Variants in HS6ST3 observed in about 807,000 individuals in gnomAD.
HS6ST3 encodes heparan-sulfate 6-O-sulfotransferase 3.
HS6ST3 carries 12 observed loss-of-function variants against 36.7 expected under a neutral mutation model. That is an observed-to-expected ratio of 0.33 (90% CI 0.21 to 0.53). The LOEUF is 0.53. Ranked by LOEUF, HS6ST3 falls within the 20% of genes least tolerant of loss-of-function variation. The pLI, the probability that HS6ST3 is intolerant of heterozygous loss-of-function variation, is 0.95. For missense variants in HS6ST3, 584 were observed against 640.9 expected, an observed-to-expected ratio of 0.91 and a Z score of 0.96; for synonymous variants, 240 against 257.5, an observed-to-expected ratio of 0.93 and a Z score of 0.65.
At chr13:96,559,998 A>C (rs2056255952) in intron 1 of HS6ST3, among the ~76,000 whole-genome samples, 1 of 152,198 alleles carries the variant, frequency 6.6e-6, no homozygotes, top group Non-Finnish European at 1.5e-5. Context: ...ATCAAAACAC[A>C]TGTATTTATG....
At chr13:96,491,925 C>A (rs2055947974) in intron 1 of HS6ST3, among the ~76,000 whole-genome samples, 1 of 152,136 alleles carries the variant, frequency 6.6e-6, no homozygotes, top group Non-Finnish European at 1.5e-5. Context: ...TAGATCTAGT[C>A]TCAACCCAAA....
At position 96,360,476 on chromosome 13, in the gene HS6ST3, G is replaced by A. The variant is rs116746787; in HGVS notation, c.707+268907G>A. Among the ~76,000 whole-genome samples the A allele has an allele frequency of 8.2e-3, 1,243 of 152,042 alleles. 14 individuals carry two copies. Among genetic ancestry groups the A allele is most frequent in the African/African-American group, 0.029 (1,182 of 41,464 alleles). Reference sequence around the variant, plus strand: ...GCAAATCTGATATTTAGTACAGGCAGGATGGGCCAGGGAAGGGTGCTGAAA... The same window carrying A: ...GCAAATCTGATATTTAGTACAGGCAAGATGGGCCAGGGAAGGGTGCTGAAA... On this transcript the variant is annotated intron_variant, in intron 1 of 1. Coordinates refer to ENST00000376705, the MANE Select transcript of HS6ST3 (RefSeq NM_153456.4).
chr13:96,151,405 GAAAA>G (rs57166825), intron 1 of HS6ST3, among the ~76,000 whole-genome samples: 4 of 141,710 alleles, frequency 2.8e-5, no homozygotes, highest in Non-Finnish European at 6.1e-5. Context: ...CTCCATCTTG[GAAAA>G]AAAAAAAAAA....
chr13:96,766,515 A>G (rs749035139), intron 1 of HS6ST3, among the ~76,000 whole-genome samples: 1 of 152,162 alleles, frequency 6.6e-6, no homozygotes, highest in Non-Finnish European at 1.5e-5. Flanking sequence ...GTGGGATAAC[A>G]TTTGGAGATG....
intron 1 of HS6ST3, among the ~76,000 whole-genome samples, chr13:96,288,178 A>C (rs2054812933): frequency 6.6e-6 from 1 of 152,184 alleles, no homozygotes; most frequent in East Asian, 1.9e-4. Flanking sequence ...TTTGAGAGTC[A>C]CTGATGTAAT....
At chr13:96,318,524 C>T (rs146116641) in intron 1 of HS6ST3, among the ~76,000 whole-genome samples, 1,737 of 145,170 alleles carry the variant, frequency 0.012, 35 homozygotes, top group African/African-American at 0.043. Flanking sequence ...CAGAGTGAGA[C>T]TCCTTCTCAA....
chr13:96,115,520 T>G (rs1211821683), intron 1 of HS6ST3, among the ~76,000 whole-genome samples: 8 of 152,194 alleles, frequency 5.3e-5, no homozygotes, highest in Admixed American at 5.2e-4. Context: ...TTTCCTGTGT[T>G]AGTTTGCTGA....
Position 96,377,287 on chromosome 13 carries a change from C to T in HS6ST3, c.707+285718C>T, listed in dbSNP as rs1017220033. Among the ~76,000 whole-genome samples, 11 of 151,504 alleles carry T rather than the reference C, an allele frequency of 7.3e-5. No individual in the cohort carries two copies. In the East Asian group the frequency reaches 1.8e-3, roughly 24 times the overall value. On this transcript the variant is annotated intron_variant, in intron 1 of 1. Transcript: ENST00000376705. ...GGAGGATTGCTTGTGCCTGGTAGTT[C>T]GACACTGGTGAGCTATGGTCACACC...
intron 1 of HS6ST3, among the ~76,000 whole-genome samples, chr13:96,434,745 G>A (rs1443598130): frequency 6.6e-6 from 1 of 151,898 alleles, no homozygotes; most frequent in African/African-American, 2.4e-5. Context: ...TATCTTGATT[G>A]CTTTTATGAC....
At chr13:96,172,301 A>G (rs1594703372) in intron 1 of HS6ST3, among the ~76,000 whole-genome samples, 2 of 152,200 alleles carry the variant, frequency 1.3e-5, no homozygotes, top group Non-Finnish European at 2.9e-5. Context: ...CAAAGGGTAT[A>G]TCATGCAGTC....
intron 1 of HS6ST3, among the ~76,000 whole-genome samples, chr13:96,783,650 G>A (rs1406571489): frequency 1.3e-5 from 2 of 151,680 alleles, no homozygotes; most frequent in Admixed American, 1.3e-4. Flanking sequence ...TTATGGACAG[G>A]ATGGAGCCAC....
intron 1 of HS6ST3, among the ~76,000 whole-genome samples, chr13:96,425,804 G>T (rs565963373): frequency 8.6e-5 from 13 of 151,922 alleles, no homozygotes; most frequent in Non-Finnish European, 1.8e-4. Context: ...GATTTTTTGG[G>T]GGGAGATACA....
chr13:96,175,035 G>A (rs1475721736), intron 1 of HS6ST3, among the ~76,000 whole-genome samples: 1 of 152,028 alleles, frequency 6.6e-6, no homozygotes, highest in Admixed American at 6.6e-5. Flanking sequence ...TGTATTCTTG[G>A]ATTTATTATT....
intron 1 of HS6ST3, among the ~76,000 whole-genome samples, chr13:96,545,386 C>T (rs113136398): frequency 0.013 from 1,934 of 152,234 alleles, 39 homozygotes; most frequent in African/African-American, 0.039. Context: ...GGCATATTTG[C>T]TATTTTGCAC....
chr13:96,430,675 C>T (rs910639437), intron 1 of HS6ST3, among the ~76,000 whole-genome samples: 7 of 152,154 alleles, frequency 4.6e-5, no homozygotes, highest in Admixed American at 1.3e-4. Flanking sequence ...CAAAATGGCC[C>T]AGAGTAAGGG....
chr13:96,244,191 C>CT (rs927342012), intron 1 of HS6ST3, among the ~76,000 whole-genome samples: 5 of 151,902 alleles, frequency 3.3e-5, no homozygotes, highest in Non-Finnish European at 5.9e-5. Flanking sequence ...AAGATTTTTT[C>CT]TTTTTTTGGC....
intron 1 of HS6ST3, among the ~76,000 whole-genome samples, chr13:96,758,155 G>C (rs1316937283): frequency 6.6e-6 from 1 of 150,788 alleles, no homozygotes; most frequent in Non-Finnish European, 1.5e-5. Flanking sequence ...TATTTTTCTT[G>C]TGCCAATTTT....
intron 1 of HS6ST3, among the ~76,000 whole-genome samples, chr13:96,148,607 T>G (rs1384584006): frequency 1.3e-5 from 2 of 152,238 alleles, no homozygotes; most frequent in Admixed American, 1.3e-4. Context: ...AACAGCAACC[T>G]AAAGATAATG....
chr13:96,436,906 C>T (rs1004811884), intron 1 of HS6ST3, among the ~76,000 whole-genome samples: 1 of 152,010 alleles, frequency 6.6e-6, no homozygotes, highest in African/African-American at 2.4e-5. Context: ...AGTGAACATT[C>T]AAATACATTT....
Sources: gnomAD v4.1 joint callset for allele counts (sites outside exome capture counted in the v4.1 genomes callset) on GRCh38, gnomAD v4.1.1 for gene constraint, MANE v1.5 for transcripts, NCBI Gene and HGNC (gene_info 2026-07-23, HGNC 2026-07-21) for gene names.